The following PBX3 variants were observed in gnomAD, a reference collection of about 807,000 sequenced individuals.
PBX3 encodes the protein PBX homeobox 3, also known as pre-B-cell leukemia transcription factor 3.
PBX3 carries 14 observed loss-of-function variants against 48.5 expected under a neutral mutation model. The observed-to-expected ratio is 0.29, with a 90% CI of 0.19 to 0.45. PBX3 has a LOEUF of 0.45. Among genes scored for constraint, PBX3 ranks in the 20% least tolerant of loss-of-function variants. The pLI, the probability that PBX3 is intolerant of heterozygous loss-of-function variation, is 1.00. For missense variants in PBX3, 386 were observed against 546.7 expected (o/e 0.71, Z 2.93); for synonymous variants, 210 against 200.3 (o/e 1.05, Z -0.41).
chr9:125,748,660 C>CCACCT, intron 2 of PBX3, 37 bp downstream of exon 2: 2 of 1,556,980 alleles, frequency 1.3e-6, no homozygotes, highest in Non-Finnish European at 1.8e-6. Flanking sequence ...CTGGAGACCC[C>CCACCT]CGAGGTGGGG....
chr9:125,847,450 G>T (rs1007275530), intron 2 of PBX3, among the ~76,000 whole-genome samples: 49 of 151,944 alleles, frequency 3.2e-4, no homozygotes, highest in African/African-American at 1.2e-3. Context: ...TCATGTTTTA[G>T]AAGAATACCC....
At chr9:125,830,559 A>G (rs1838930350) in intron 2 of PBX3, among the ~76,000 whole-genome samples, 1 of 152,166 alleles carries the variant, frequency 6.6e-6, no homozygotes, top group Non-Finnish European at 1.5e-5. Flanking sequence ...CAAATTGGCT[A>G]CTTACATAAA....
At chr9:125,929,995 G>A in intron 4 of PBX3, 150 bp downstream of exon 4, 3 of 637,968 alleles carry the variant, frequency 4.7e-6, no homozygotes, top group Non-Finnish European at 8.2e-6. Flanking sequence ...CATGGTTCCT[G>A]TGCTGTCAAG....
At chr9:125,919,359 ATTTTTTTT>A (rs34891465) in intron 3 of PBX3, among the ~76,000 whole-genome samples, 22 of 102,750 alleles carry the variant, frequency 2.1e-4, no homozygotes, top group Non-Finnish European at 3.4e-4. Flanking sequence ...TGCCCGTCTA[ATTTTTTTT>A]TTTTTTTTTT....
chr9:125,777,510 C>T (rs540547534), intron 2 of PBX3, among the ~76,000 whole-genome samples: 55 of 151,516 alleles, frequency 3.6e-4, no homozygotes, highest in African/African-American at 1.3e-3. Context: ...TGCAAGCTGC[C>T]GTGCCTGGCT....
At chr9:125,793,859 A>G (rs1216796897) in intron 2 of PBX3, among the ~76,000 whole-genome samples, 2 of 152,140 alleles carry the variant, frequency 1.3e-5, no homozygotes, top group East Asian at 1.9e-4. Flanking sequence ...TATTAAATAT[A>G]TATAAAATAA....
At chr9:125,937,705 G>A (rs1260580690) in intron 5 of PBX3, among the ~76,000 whole-genome samples, 1 of 152,154 alleles carries the variant, frequency 6.6e-6, no homozygotes, top group African/African-American at 2.4e-5. Context: ...CTGTCACACA[G>A]GCTGGAGTGC....
chr9:125,854,567 C>T (rs1321378808), intron 2 of PBX3, among the ~76,000 whole-genome samples: 1 of 152,156 alleles, frequency 6.6e-6, no homozygotes, highest in East Asian at 1.9e-4. Flanking sequence ...CATTTCTTCT[C>T]TAGTTATCTA....
At chr9:125,852,410 A>C (rs556341883) in intron 2 of PBX3, among the ~76,000 whole-genome samples, 4 of 152,108 alleles carry the variant, frequency 2.6e-5, no homozygotes, top group African/African-American at 9.6e-5. Context: ...ACCTGTTTTA[A>C]TTCAAGCCGT....
intron 2 of PBX3, among the ~76,000 whole-genome samples, chr9:125,784,499 A>G (rs529359735): frequency 2.0e-5 from 3 of 152,324 alleles, no homozygotes; most frequent in Non-Finnish European, 2.9e-5. Flanking sequence ...TCTGGAAATC[A>G]GATTCTTCTC....
chr9:125,848,307 G>C (rs560838679), intron 2 of PBX3, among the ~76,000 whole-genome samples: 12 of 151,926 alleles, frequency 7.9e-5, no homozygotes, highest in Non-Finnish European at 1.6e-4. Context: ...CCACATTTTA[G>C]TTTTTAATCT....
At chr9:125,959,863 A>T (rs949270895) in intron 5 of PBX3, among the ~76,000 whole-genome samples, 4 of 152,172 alleles carry the variant, frequency 2.6e-5, no homozygotes, top group Admixed American at 1.3e-4. Context: ...TAGCTTCTTT[A>T]TATAGCTCAA....
intron 2 of PBX3, among the ~76,000 whole-genome samples, chr9:125,897,141 G>T (rs76895221): frequency 0.025 from 2,715 of 108,914 alleles, 164 homozygotes; most frequent in East Asian, 0.21. Context: ...TTCATTTGTG[G>T]TTTTTTTTTT....
At chr9:125,955,650 T>A (rs972982418) in intron 5 of PBX3, among the ~76,000 whole-genome samples, 1 of 152,168 alleles carries the variant, frequency 6.6e-6, no homozygotes, top group Non-Finnish European at 1.5e-5. Flanking sequence ...TGGAATTGAA[T>A]TGGATTGAAA....
At chr9:125,854,830 C>A (rs184499499) in intron 2 of PBX3, among the ~76,000 whole-genome samples, 1 of 152,220 alleles carries the variant, frequency 6.6e-6, no homozygotes, top group East Asian at 1.9e-4. Context: ...GTTCCAAACT[C>A]CCAGTTTTGC....
chr9:125,921,643 G>A (rs1424528199), intron 3 of PBX3, among the ~76,000 whole-genome samples: 1 of 152,102 alleles, frequency 6.6e-6, no homozygotes, highest in Admixed American at 6.5e-5. Flanking sequence ...CTTTGTGGTT[G>A]TTCCTTAGGC....
At chr9:125,787,221 T>G (rs756995870) in intron 2 of PBX3, among the ~76,000 whole-genome samples, 7 of 152,016 alleles carry the variant, frequency 4.6e-5, no homozygotes, top group Non-Finnish European at 8.8e-5. Flanking sequence ...TTTATTTACT[T>G]GTAGAAATGG....
At chr9:125,799,871 C>G (rs1247349052) in intron 2 of PBX3, among the ~76,000 whole-genome samples, 3 of 152,126 alleles carry the variant, frequency 2.0e-5, no homozygotes, top group Non-Finnish European at 4.4e-5. Context: ...TCTTTAAATT[C>G]AATTCTGTCT....
intron 3 of PBX3, among the ~76,000 whole-genome samples, chr9:125,922,805 A>G (rs973413826): frequency 6.6e-6 from 1 of 152,188 alleles, no homozygotes; most frequent in African/African-American, 2.4e-5. Context: ...CCTGGTACAG[A>G]TGATGCTGAA....
Sources: allele counts gnomAD v4.1 joint callset (sites outside exome capture counted in the v4.1 genomes callset), GRCh38; gene constraint gnomAD v4.1.1; transcripts MANE v1.5; gene names NCBI Gene and HGNC (gene_info 2026-07-23, HGNC 2026-07-21).